The following JMY variants were observed in gnomAD, a reference collection of about 807,000 sequenced individuals.
The protein encoded by JMY is junction mediating and regulatory protein, p53 cofactor.
A neutral mutation model predicts 103.3 loss-of-function variants in JMY; 46 were observed. The observed-to-expected ratio is 0.45, with a 90% CI of 0.35 to 0.57. JMY has a LOEUF of 0.57. Among genes scored for constraint, JMY ranks in the 20% least tolerant of loss-of-function variants. The pLI, the probability that JMY is intolerant of heterozygous loss-of-function variation, is 0.00. For synonymous variants in JMY, 526 were observed against 489.3 expected (o/e 1.07, Z -0.99); for missense variants, 1,238 against 1,255.2 (o/e 0.99, Z 0.21).
intron 1 of JMY, among the ~76,000 whole-genome samples, chr5:79,238,614 T>G (rs1744599120): frequency 6.6e-6 from 1 of 151,560 alleles, no homozygotes; most frequent in African/African-American, 2.4e-5. Context: ...CAATTGAGAT[T>G]GGTGGAGAAA....
chr5:79,284,394 G>A, intron 2 of JMY: 1 of 1,351,716 alleles, frequency 7.4e-7, no homozygotes, highest in Non-Finnish European at 1.0e-6. Context: ...GCATTTGTCT[G>A]CACCTCTCGG....
At chr5:79,292,456 C>T (rs1281103416) in intron 4 of JMY, among the ~76,000 whole-genome samples, 1 of 147,264 alleles carries the variant, frequency 6.8e-6, no homozygotes, top group East Asian at 1.9e-4. Context: ...CAGGCACGCA[C>T]CCCCCCCAAC....
intron 1 of JMY, among the ~76,000 whole-genome samples, chr5:79,251,357 G>A (rs1274232701): frequency 6.6e-6 from 1 of 152,080 alleles, no homozygotes; most frequent in East Asian, 1.9e-4. Context: ...TCAGGCTCCT[G>A]AGTTACTGGG....
intron 1 of JMY, among the ~76,000 whole-genome samples, chr5:79,269,511 A>T: frequency 6.6e-6 from 1 of 152,350 alleles, no homozygotes; most frequent in African/African-American, 2.4e-5. Context: ...CATTGAATTT[A>T]TAGATCAAGT....
chr5:79,322,478 A>G lies in JMY; in HGVS notation c.*876A>G, dbSNP rs555289405. 4.6e-5 allele frequency: 7 copies of G among 152,360 alleles called. No individual in the cohort carries two copies. The South Asian group carries it at 1.2e-3, about 27-fold the overall frequency. 9.4% of individuals were successfully genotyped at this position (152,360 alleles called of 1,614,324 possible). A position where few individuals can be genotyped will look rare whatever the true frequency, so the allele number is the denominator to read the frequency against. Reference sequence around the variant, plus strand: ...GAGAATCAAAAATCAAGATTCAATCATAGGGATGCAGATCTTAACTCTTTT... The same window carrying G: ...GAGAATCAAAAATCAAGATTCAATCGTAGGGATGCAGATCTTAACTCTTTT... On this transcript the variant is annotated 3_prime_UTR_variant, in exon 11 of 11. Transcript: ENST00000396137.
chr5:79,267,013 T>C (rs1459290691), intron 1 of JMY, among the ~76,000 whole-genome samples: 1 of 152,198 alleles, frequency 6.6e-6, no homozygotes, highest in Non-Finnish European at 1.5e-5. Flanking sequence ...ATTAATAGAC[T>C]TGAGTTTTTA....
intron 1 of JMY, among the ~76,000 whole-genome samples, chr5:79,260,084 C>T (rs905260096): frequency 1.3e-5 from 2 of 152,206 alleles, no homozygotes; most frequent in Non-Finnish European, 2.9e-5. Flanking sequence ...GGACAGTGGT[C>T]GAGGTACAGG....
At chr5:79,240,464 C>T (rs957950136) in intron 1 of JMY, among the ~76,000 whole-genome samples, 1 of 152,070 alleles carries the variant, frequency 6.6e-6, no homozygotes, top group African/African-American at 2.4e-5. Flanking sequence ...TCGCCGCTAC[C>T]ATGCCTGGCT....
chr5:79,259,942 A>G (rs1745367711), intron 1 of JMY, among the ~76,000 whole-genome samples: 1 of 152,172 alleles, frequency 6.6e-6, no homozygotes, highest in Non-Finnish European at 1.5e-5. Context: ...CACTGGCTCC[A>G]TGGAGCATGG....
chr5:79,278,185 AAAG>A (rs76663617), intron 2 of JMY, 102 bp downstream of exon 2: 1 of 940,016 alleles, frequency 1.1e-6, no homozygotes, highest in Non-Finnish European at 1.5e-6. Context: ...AAAAAAAAAA[AAAG>A]AAGGTACCTG....
intron 1 of JMY, among the ~76,000 whole-genome samples, chr5:79,256,097 A>C (rs954988438): frequency 6.6e-6 from 1 of 152,216 alleles, no homozygotes; most frequent in Non-Finnish European, 1.5e-5. Context: ...TTGGAAGTCT[A>C]CCTGGTGTTC....
At chr5:79,296,295 CAT>C (rs1241341649) in intron 4 of JMY, among the ~76,000 whole-genome samples, 3 of 152,280 alleles carry the variant, frequency 2.0e-5, no homozygotes, top group Middle Eastern at 3.4e-3. Flanking sequence ...GGATTTCTGA[CAT>C]GTGGAATTCA....
At chr5:79,278,569 G>A (rs541427025) in intron 2 of JMY, among the ~76,000 whole-genome samples, 12 of 112,794 alleles carry the variant, frequency 1.1e-4, no homozygotes, top group East Asian at 5.3e-4. Flanking sequence ...TGGGCAACAC[G>A]GAGAACCCGT....
intron 1 of JMY, among the ~76,000 whole-genome samples, chr5:79,272,917 C>T (rs183327971): frequency 1.8e-4 from 28 of 152,128 alleles, no homozygotes; most frequent in African/African-American, 5.8e-4. Flanking sequence ...ATTACAGGCA[C>T]GAGCCACTGC....
In JMY at chr5:79,316,296, T is replaced by C; in HGVS notation, c.2956T>C (p.Trp986Arg). ...DEEEALPCTD[W>R]EN Reference sequence around the variant, plus strand: ...AGAGGAGGCTTTACCTTGCACAGACTGGGAGAACTAACAAGTAAACGGCCT... The same window carrying C: ...AGAGGAGGCTTTACCTTGCACAGACCGGGAGAACTAACAAGTAAACGGCCT... The change falls in exon 10 of 11, where the codon TGG becomes CGG. Residue 986 changes from tryptophan to arginine, a missense_variant. Trp to Arg is a moderately radical substitution (Grantham distance 101). Coordinates refer to ENST00000396137, the MANE Select transcript of JMY (RefSeq NM_152405.5). 5 of 1,608,900 alleles carry C rather than the reference T, an allele frequency of 3.1e-6. No homozygotes were observed. Among genetic ancestry groups the C allele is most frequent in the Non-Finnish European group, 4.2e-6 (5 of 1,177,410 alleles).
chr5:79,284,303 A>G, intron 2 of JMY: 5 of 1,452,184 alleles, frequency 3.4e-6, no homozygotes, highest in Admixed American at 1.7e-5. Flanking sequence ...CGAAGACATC[A>G]TGGAGAGGAT....
chr5:79,258,304 T>TG (rs1745309964), intron 1 of JMY, among the ~76,000 whole-genome samples: 2 of 137,046 alleles, frequency 1.5e-5, no homozygotes, highest in Admixed American at 1.6e-4. Context: ...GGGCTTTTTT[T>TG]GTTTTTGTTG....
chr5:79,324,277 T>C lies in JMY; in HGVS notation c.*2675T>C, dbSNP rs532855586. The C allele has an allele frequency of 6.6e-6, 1 of 152,190 alleles. No homozygotes were observed. The highest frequency in any genetic ancestry group is 2.4e-5 in the African/African-American group (1 of 41,454). 9.4% of individuals were successfully genotyped at this position (152,190 alleles called of 1,614,324 possible). ...GGATCTTCGGCCTTGATACTAAATA[T>C]GTGTATATTTAGTTATGATGGTACT... On this transcript the variant is annotated 3_prime_UTR_variant, in exon 11 of 11. Coordinates refer to ENST00000396137, the MANE Select transcript of JMY (RefSeq NM_152405.5).
rs1365989213 is a variant in JMY at position 79,316,156 on chromosome 5, A to G, written c.2816A>G (p.Gln939Arg). Residue 939 changes from glutamine to arginine, a missense_variant, in exon 10 of 11, where the codon CAG (glutamine) becomes CGG (arginine). Physicochemically the swap from Gln to Arg is conservative, Grantham distance 43. Coordinates refer to ENST00000396137, the MANE Select transcript of JMY (RefSeq NM_152405.5). The part of the protein sequence containing the change: ...IRKGVKLKKV[Q>R]KDVLRESFTL... ...AAAGGGGTAAAATTGAAGAAGGTACAGAAGGATGTTTTGAGAGAATCCTTC... is the reference window on the plus strand; with the variant it reads ...AAAGGGGTAAAATTGAAGAAGGTACGGAAGGATGTTTTGAGAGAATCCTTC... The G allele has an allele frequency of 6.2e-7, 1 of 1,614,190 alleles. No individual in the cohort carries two copies. Among genetic ancestry groups the G allele is most frequent in the Non-Finnish European group, 8.5e-7 (1 of 1,179,996 alleles).
Sources: allele counts gnomAD v4.1 joint callset (sites outside exome capture counted in the v4.1 genomes callset), GRCh38; gene constraint gnomAD v4.1.1; transcripts MANE v1.5; gene names NCBI Gene and HGNC (gene_info 2026-07-23, HGNC 2026-07-21).